RGS8: variants seen among roughly 807,000 people sequenced by gnomAD.
The protein encoded by RGS8 is regulator of G protein signaling 8.
In RGS8, 8 loss-of-function variants were observed where a neutral mutation model predicts 21.7. The ratio of observed to expected loss-of-function variants is 0.37; its 90% CI spans 0.22 to 0.66. The LOEUF is 0.66. Among genes scored for constraint, RGS8 ranks in the 30% least tolerant of loss-of-function variants. The pLI is 0.59. For missense variants in RGS8, 157 were observed against 217.9 expected, an observed-to-expected ratio of 0.72 and a Z score of 1.76; for synonymous variants, 80 against 83.6, an observed-to-expected ratio of 0.96 and a Z score of 0.24.
At chr1:182,646,508 G>T (rs1019692392) in exon 7 of RGS8, 1 of 492,124 alleles carries the variant, frequency 2.0e-6, no homozygotes, top group Non-Finnish European at 3.6e-6. Flanking sequence ...GGGTGACAGC[G>T]GCAAGGCGCT....
At chr1:182,690,998 T>C in the RGS8 span, among the ~76,000 whole-genome samples, 1 of 152,230 alleles carries the variant, frequency 6.6e-6, no homozygotes, top group East Asian at 1.9e-4. Context: ...AGAAAACATT[T>C]GATCCAGTCC....
the RGS8 span, among the ~76,000 whole-genome samples, chr1:182,729,456 T>G: frequency 1.3e-5 from 2 of 152,230 alleles, no homozygotes. Context: ...GACAGTACAG[T>G]GAAATCATTT....
chr1:182,704,422 A>G, the RGS8 span, among the ~76,000 whole-genome samples: 1 of 152,130 alleles, frequency 6.6e-6, no homozygotes, highest in Non-Finnish European at 1.5e-5. Context: ...GTTTATCTCT[A>G]TTCCCGGAAT....
At chr1:182,674,387 C>T (rs1337716105), upstream of RGS8, among the ~76,000 whole-genome samples, 1 of 152,040 alleles carries the variant, frequency 6.6e-6, no homozygotes, top group African/African-American at 2.4e-5. Context: ...AAAGAAAGAA[C>T]AGGAATATAA....
At chr1:182,694,763 G>C in the RGS8 span, among the ~76,000 whole-genome samples, 1 of 149,418 alleles carries the variant, frequency 6.7e-6, no homozygotes, top group African/African-American at 2.5e-5. Context: ...AACCGAGATA[G>C]AGCCACTGCA....
intron 2 of RGS8, 46 bp downstream of exon 3, chr1:182,671,611 C>G: frequency 6.5e-7 from 1 of 1,544,722 alleles, no homozygotes; most frequent in Non-Finnish European, 8.9e-7. Context: ...AATCGGTGCA[C>G]ACAGACACCC....
chr1:182,679,764 T>C (rs1664481452), intron 1 of RGS8, among the ~76,000 whole-genome samples: 1 of 151,990 alleles, frequency 6.6e-6, no homozygotes. Context: ...GGACACATCA[T>C]ATTCCCATCT....
downstream of RGS8, chr1:182,645,011 A>C (rs1210109439): frequency 2.0e-5 from 3 of 152,218 alleles, no homozygotes; most frequent in Non-Finnish European, 1.5e-5. Flanking sequence ...GTGCTGTAGC[A>C]GTGCAGTGGC....
chr1:182,650,115 T>C (rs908135105), intron 5 of RGS8, among the ~76,000 whole-genome samples: 8 of 150,064 alleles, frequency 5.3e-5, no homozygotes, highest in African/African-American at 2.0e-4. Context: ...TTTCACCATG[T>C]TGGCCAGGAT....
At chr1:182,748,168 A>T in the RGS8 span, among the ~76,000 whole-genome samples, 1 of 152,208 alleles carries the variant, frequency 6.6e-6, no homozygotes, top group Non-Finnish European at 1.5e-5. Context: ...ATATTTCACC[A>T]ACTGTAGTTG....
the RGS8 span, among the ~76,000 whole-genome samples, chr1:182,696,529 T>C: frequency 1.3e-5 from 2 of 152,154 alleles, no homozygotes; most frequent in African/African-American, 4.8e-5. Flanking sequence ...GGCTAATTTT[T>C]GTATTTTTAG....
upstream of RGS8, among the ~76,000 whole-genome samples, chr1:182,673,309 G>A (rs186781493): frequency 7.9e-5 from 12 of 152,330 alleles, no homozygotes; most frequent in African/African-American, 2.9e-4. Context: ...CAGTCAGAGA[G>A]GGTATTATTA....
At chr1:182,730,474 C>A in the RGS8 span, among the ~76,000 whole-genome samples, 1 of 152,050 alleles carries the variant, frequency 6.6e-6, no homozygotes, top group East Asian at 1.9e-4. Context: ...CTTTGGGAGG[C>A]CAAAGTGGGC....
At chr1:182,672,182 G>A (rs1664200985), upstream of RGS8, 1 of 176,224 alleles carries the variant, frequency 5.7e-6, no homozygotes, top group Non-Finnish European at 1.2e-5. Context: ...AGTGTCCAGG[G>A]GACCCTCTTC....
the RGS8 span, among the ~76,000 whole-genome samples, chr1:182,735,952 G>A: frequency 6.6e-6 from 1 of 152,120 alleles, no homozygotes; most frequent in Non-Finnish European, 1.5e-5. Context: ...TTTGGGTTAG[G>A]ACAATGTTTC....
chr1:182,664,962 C>T (rs1330165771), intron 5 of RGS8, among the ~76,000 whole-genome samples: 1 of 152,156 alleles, frequency 6.6e-6, no homozygotes, highest in Admixed American at 6.5e-5. Flanking sequence ...CTGTCAAGAC[C>T]ACCCAACTAC....
the RGS8 span, among the ~76,000 whole-genome samples, chr1:182,697,672 A>G: frequency 6.6e-6 from 1 of 152,236 alleles, no homozygotes; most frequent in African/African-American, 2.4e-5. Context: ...GTATTTTCTC[A>G]ATTCTAAAAC....
At chr1:182,744,972 G>A in the RGS8 span, among the ~76,000 whole-genome samples, 2 of 152,170 alleles carry the variant, frequency 1.3e-5, no homozygotes, top group African/African-American at 4.8e-5. Flanking sequence ...TGTCTCTATA[G>A]ATTTGTCTAT....
the RGS8 span, among the ~76,000 whole-genome samples, chr1:182,736,906 T>C: frequency 1.3e-5 from 2 of 152,208 alleles, no homozygotes; most frequent in African/African-American, 2.4e-5. Flanking sequence ...AAGGGCAGTA[T>C]ATTATTTCCT....
Sources: allele counts gnomAD v4.1 joint callset (sites outside exome capture counted in the v4.1 genomes callset), GRCh38; gene constraint gnomAD v4.1.1; transcripts MANE v1.5; gene names NCBI Gene and HGNC (gene_info 2026-07-23, HGNC 2026-07-21).